The following NSF variants were observed in gnomAD, a reference collection of about 807,000 sequenced individuals.
NSF encodes the protein N-ethylmaleimide sensitive factor, vesicle fusing ATPase.
NSF carries 14 observed loss-of-function variants against 50.3 expected under a neutral mutation model. That is an observed-to-expected ratio of 0.28 (90% CI 0.18 to 0.44). The LOEUF is 0.44. Ranked by LOEUF, NSF falls within the 20% of genes least tolerant of loss-of-function variation. The probability of loss-of-function intolerance (pLI) is 1.00; values close to 1 mark genes in which losing one functional copy is unlikely to be tolerated. For missense variants in NSF, 218 were observed against 504.3 expected (o/e 0.43, Z 5.44); for synonymous variants, 109 against 175.7 (o/e 0.62, Z 3.00).
At chr17:46,679,626 A>G (rs1016801682) in intron 9 of NSF, among the ~76,000 whole-genome samples, 16 of 139,888 alleles carry the variant, frequency 1.1e-4, no homozygotes, top group African/African-American at 4.0e-4. Context: ...CGGGAGGCGG[A>G]GATTGCAGTG....
chr17:46,689,905 AG>A (rs2058529171), intron 9 of NSF, among the ~76,000 whole-genome samples: 1 of 151,050 alleles, frequency 6.6e-6, no homozygotes, highest in Non-Finnish European at 1.5e-5. Flanking sequence ...TTGTAATCGC[AG>A]CACTTTGGGA....
intron 9 of NSF, among the ~76,000 whole-genome samples, chr17:46,680,291 G>A (rs868542986): frequency 5.9e-5 from 9 of 151,754 alleles, no homozygotes; most frequent in African/African-American, 2.2e-4. Flanking sequence ...AACAGACCAA[G>A]GAAACAATAG....
At chr17:46,706,944 G>T (rs377269190) in intron 13 of NSF, among the ~76,000 whole-genome samples, 2 of 145,652 alleles carry the variant, frequency 1.4e-5, no homozygotes, top group Admixed American at 6.9e-5. Context: ...TCCATCTCCC[G>T]GGTTCAAGCA....
At chr17:46,733,456 A>G (rs773962319) in intron 17 of NSF, among the ~76,000 whole-genome samples, 52 of 152,282 alleles carry the variant, frequency 3.4e-4, no homozygotes, top group Non-Finnish European at 4.4e-4. Context: ...AGTTAAGCCT[A>G]TTAACCTCAC....
At chr17:46,728,597 C>CA (rs962892147) in intron 16 of NSF, among the ~76,000 whole-genome samples, 25 of 149,268 alleles carry the variant, frequency 1.7e-4, no homozygotes, top group African/African-American at 5.2e-4. Context: ...GACCCTGTCT[C>CA]AAAAAAAAAG....
chr17:46,721,406 C>G (rs2058829636), intron 15 of NSF, among the ~76,000 whole-genome samples: 1 of 152,112 alleles, frequency 6.6e-6, no homozygotes. Flanking sequence ...TTCTTCAGTT[C>G]TTCCTGTTTT....
chr17:46,715,056 T>C (rs2058755140), intron 15 of NSF, among the ~76,000 whole-genome samples: 1 of 152,228 alleles, frequency 6.6e-6, no homozygotes, highest in Non-Finnish European at 1.5e-5. Flanking sequence ...GCTAGTCTCT[T>C]GTTTGTGCAG....
At chr17:46,713,173 A>T (rs561375645) in intron 14 of NSF, 1 of 152,454 alleles carries the variant, frequency 6.6e-6, no homozygotes, top group South Asian at 2.1e-4. Flanking sequence ...TGTCAGATAG[A>T]CTAGAACATG....
At chr17:46,742,186 G>A (rs1038100831) in intron 17 of NSF, among the ~76,000 whole-genome samples, 4 of 152,178 alleles carry the variant, frequency 2.6e-5, no homozygotes, top group African/African-American at 9.7e-5. Flanking sequence ...ACTTTGGCAC[G>A]AAGCATACAT....
intron 16 of NSF, 112 bp from the exon 17 acceptor site, chr17:46,728,743 C>A: frequency 1.7e-6 from 1 of 599,120 alleles, no homozygotes. Context: ...ACATATTCTG[C>A]TTATGTAGGG....
chr17:46,750,567 C>T (rs761155320), intron 18 of NSF, among the ~76,000 whole-genome samples: 3 of 152,052 alleles, frequency 2.0e-5, no homozygotes, highest in Non-Finnish European at 4.4e-5. Context: ...CAACCTGTAC[C>T]TCCAGTTGTT....
At chr17:46,679,100 G>C (rs1226536300) in intron 9 of NSF, among the ~76,000 whole-genome samples, 1 of 151,992 alleles carries the variant, frequency 6.6e-6, no homozygotes, top group Non-Finnish European at 1.5e-5. Flanking sequence ...CACATGCTTG[G>C]GTGGTAAAAC....
chr17:46,739,997 G>GAAATT (rs2059053774), intron 17 of NSF, among the ~76,000 whole-genome samples: 1 of 152,176 alleles, frequency 6.6e-6, no homozygotes, highest in Non-Finnish European at 1.5e-5. Context: ...GATTTTAAAA[G>GAAATT]AAATTAGAAT....
At chr17:46,661,410 T>TATTATTATTATTA (rs1568023993) in intron 8 of NSF, among the ~76,000 whole-genome samples, 19 of 102,176 alleles carry the variant, frequency 1.9e-4, no homozygotes, top group African/African-American at 7.4e-4. Flanking sequence ...TTATTATTAT[T>TATTATTATTATTA]TTTGAGATGG....
chr17:46,710,118 G>A (rs1290569739), intron 13 of NSF, among the ~76,000 whole-genome samples: 1 of 152,190 alleles, frequency 6.6e-6, no homozygotes, highest in Non-Finnish European at 1.5e-5. Flanking sequence ...TTTGAGGGAT[G>A]TGATGATCTT....
intron 17 of NSF, 136 bp from the exon 18 acceptor site, chr17:46,749,637 G>C: frequency 1.3e-6 from 1 of 767,356 alleles, no homozygotes; most frequent in Non-Finnish European, 1.9e-6. Context: ...ATCCTGAATT[G>C]TTTTCTTCTG....
At chr17:46,679,926 A>C (rs1459159512) in intron 9 of NSF, among the ~76,000 whole-genome samples, 3 of 147,440 alleles carry the variant, frequency 2.0e-5, no homozygotes, top group Admixed American at 6.8e-5. Context: ...TCAGAATGTA[A>C]AGTGCCTAGG....
intron 15 of NSF, chr17:46,721,693 C>T: frequency 6.2e-7 from 1 of 1,606,486 alleles, no homozygotes; most frequent in Non-Finnish European, 8.5e-7. Flanking sequence ...GTGCTTTGTC[C>T]AAATGAACCT....
intron 1 of NSF, chr17:46,602,634 T>C (rs2057924557): frequency 9.1e-6 from 1 of 110,162 alleles, no homozygotes; most frequent in Non-Finnish European, 1.8e-5. Context: ...GAAGTGTTTT[T>C]AGTGTTATGT....
Sources: allele counts gnomAD v4.1 joint callset (sites outside exome capture counted in the v4.1 genomes callset), GRCh38; gene constraint gnomAD v4.1.1; transcripts MANE v1.5; gene names NCBI Gene and HGNC (gene_info 2026-07-23, HGNC 2026-07-21).